Variants in ZC3H11A observed in about 807,000 individuals in gnomAD.
ZC3H11A encodes the protein zinc finger CCCH-type containing 11A, also known as zinc finger CCCH domain-containing protein 11A.
A neutral mutation model predicts 90.8 loss-of-function variants in ZC3H11A; 22 were observed. That is an observed-to-expected ratio of 0.24 (90% CI 0.17 to 0.35). ZC3H11A has a LOEUF of 0.35. Ranked by LOEUF, ZC3H11A falls within the 10% of genes least tolerant of loss-of-function variation. ZC3H11A has a pLI of 1.00. For synonymous variants in ZC3H11A, 294 were observed against 339.8 expected (o/e 0.87, Z 1.48); for missense variants, 701 against 964.9 (o/e 0.73, Z 3.62).
chr1:203,797,957 C>T (rs1453475100), intron 1 of ZC3H11A: 2 of 1,535,890 alleles, frequency 1.3e-6, no homozygotes, highest in South Asian at 1.2e-5. Flanking sequence ...ACCCCCAGTA[C>T]ACCTGGCGGG....
At chr1:203,810,006 G>T (rs779717665) in intron 2 of ZC3H11A, among the ~76,000 whole-genome samples, 1 of 152,058 alleles carries the variant, frequency 6.6e-6, no homozygotes, top group Non-Finnish European at 1.5e-5. Flanking sequence ...TGGCAACCTA[G>T]ATACTTTTTT....
intron 8 of ZC3H11A, 52 bp downstream of exon 8, chr1:203,830,255 C>G (rs769865095): frequency 6.4e-6 from 9 of 1,404,642 alleles, no homozygotes; most frequent in Non-Finnish European, 8.8e-6. Flanking sequence ...GGGAAGAATA[C>G]TAAGGACGCT....
chr1:203,838,242 T>C (rs968093114), intron 11 of ZC3H11A, among the ~76,000 whole-genome samples, 178 bp downstream of exon 11: 1 of 152,170 alleles, frequency 6.6e-6, no homozygotes, highest in Non-Finnish European at 1.5e-5. Context: ...GTAGACACCA[T>C]TGAAAAAAAC....
Position 203,840,472 on chromosome 1 carries a change from A to G in ZC3H11A, c.1042+98A>G. On this transcript the variant is annotated intron_variant, in intron 12 of 17. Coordinates refer to ENST00000367210, the MANE Select transcript of ZC3H11A (RefSeq NM_001376342.1). ...TACCTGTTGCTTGCTAGGGCTTTTG[A>G]TTTTTGTTCTTTTGTAGTTCTGTTT... The G allele has an allele frequency of 4.0e-6, 5 of 1,243,306 alleles. No homozygotes were observed. The South Asian group carries it at 6.9e-5, about 17-fold the overall frequency. The allele number at this position is 1,243,306 out of a possible 1,614,324, so 77.0% of individuals were successfully genotyped here.
intron 1 of ZC3H11A, chr1:203,797,833 C>G: frequency 6.5e-7 from 1 of 1,536,062 alleles, no homozygotes; most frequent in Non-Finnish European, 8.7e-7. Flanking sequence ...TTGTTAGCTT[C>G]CAATGACCCT....
Position 203,850,013 on chromosome 1 carries a change from A to G in ZC3H11A, c.1926A>G (p.Glu642=). Residue 642 remains glutamate (E), a synonymous_variant, in exon 15 of 18, where the codon GAA becomes GAG. Coordinates refer to ENST00000367210, the MANE Select transcript of ZC3H11A (RefSeq NM_001376342.1). ...LNVKCAAQTL[E]KRGKAKPKVN... The stretch of plus-strand genomic sequence containing the variant: ...TGAAATGTGCAGCACAGACCTTGGA[A>G]AAAAGGGGTAAAGGCAAGTATTTCT... 3 of 1,614,016 alleles carry G rather than the reference A, an allele frequency of 1.9e-6. No individual in the cohort carries two copies. The highest frequency in any genetic ancestry group is 2.5e-6 in the Non-Finnish European group (3 of 1,180,012).
chr1:203,825,296 T>A (rs1680150301), intron 4 of ZC3H11A, among the ~76,000 whole-genome samples: 1 of 152,128 alleles, frequency 6.6e-6, no homozygotes, highest in Non-Finnish European at 1.5e-5. Flanking sequence ...ACTAATTCAG[T>A]GTTCCAAGTG....
At position 203,853,367 on chromosome 1, in the gene ZC3H11A, A is replaced by T. The variant is rs550482332; in HGVS notation, c.*968A>T. ...ATTTATCTATGGGCTGTAGCAGTAC[A>T]CTGAATTGTACTGTGCCAGGGATAT... On this transcript the variant is annotated 3_prime_UTR_variant, in exon 18 of 18. Transcript: ENST00000367210. 1 of 152,532 alleles carries T rather than the reference A, an allele frequency of 6.6e-6. No individual in the cohort carries two copies. Among genetic ancestry groups the T allele is most frequent in the Non-Finnish European group, 1.5e-5 (1 of 67,990 alleles). 9.4% of individuals were successfully genotyped at this position (152,532 alleles called of 1,614,324 possible). A position where few individuals can be genotyped will look rare whatever the true frequency, so the allele number is the denominator to read the frequency against.
intron 16 of ZC3H11A, 112 bp from the exon 17 acceptor site, chr1:203,850,945 C>T: frequency 7.6e-7 from 1 of 1,318,902 alleles, no homozygotes; most frequent in Non-Finnish European, 1.1e-6. Flanking sequence ...TTCTTAGATT[C>T]ACAGGCTTAA....
intron 2 of ZC3H11A, among the ~76,000 whole-genome samples, chr1:203,806,830 C>CTTTTTTTT (rs373591619): frequency 8.5e-6 from 1 of 117,858 alleles, no homozygotes; most frequent in Non-Finnish European, 1.7e-5. Flanking sequence ...CCTCAGGTTC[C>CTTTTTTTT]TTTTTTTTTT....
At position 203,820,174 on chromosome 1, in the gene ZC3H11A, G is replaced by T. The variant is rs531984003; in HGVS notation, c.174+1485G>T. 4.0e-5 allele frequency among the ~76,000 whole-genome samples: 6 copies of T among 151,546 alleles called. No individual in the cohort carries two copies. In the South Asian group the frequency reaches 1.0e-3, roughly 26 times the overall value. ...CGCTTGAACCTGGGAGGCGGAGGTT[G>T]CACTGAGCTGAGATTGCGCCACTCC... is the stretch of plus-strand genomic sequence containing the variant. On this transcript the variant is annotated intron_variant, in intron 4 of 17. Transcript: ENST00000367210.
intron 10 of ZC3H11A, among the ~76,000 whole-genome samples, chr1:203,834,833 G>A (rs1683721842): frequency 6.6e-6 from 1 of 151,584 alleles, no homozygotes; most frequent in African/African-American, 2.4e-5. Flanking sequence ...AGTAGAGATG[G>A]GGTTTCCACC....
intron 12 of ZC3H11A, among the ~76,000 whole-genome samples, chr1:203,843,555 G>A (rs939933657): frequency 6.6e-6 from 1 of 152,104 alleles, no homozygotes; most frequent in East Asian, 1.9e-4. Flanking sequence ...AAATAACTTT[G>A]CAGTCCACAG....
Position 203,802,650 on chromosome 1 carries a change from A to T in ZC3H11A, c.-512A>T, listed in dbSNP as rs1670874775. 1 of 151,746 alleles carries T rather than the reference A, an allele frequency of 6.6e-6. No individual in the cohort carries two copies. Among genetic ancestry groups the T allele is most frequent in the Non-Finnish European group, 1.5e-5 (1 of 67,806 alleles). The allele number at this position is 151,746 out of a possible 1,614,324, so 9.4% of individuals were successfully genotyped here. On this transcript the variant is annotated 5_prime_UTR_variant, in exon 2 of 18. Coordinates refer to ENST00000367210, the MANE Select transcript of ZC3H11A (RefSeq NM_001376342.1). The stretch of plus-strand genomic sequence containing the variant: ...GTTTTTTTTTTAAATTATATTGTTC[A>T]GCTATGGAAGATGGAGTTTTTTTTC...
intron 10 of ZC3H11A, chr1:203,834,129 C>G: frequency 9.2e-7 from 1 of 1,085,248 alleles, no homozygotes; most frequent in South Asian, 4.3e-5. Flanking sequence ...TTTCTCTGAA[C>G]AAATTTAAAT....
intron 1 of ZC3H11A, chr1:203,799,654 A>G: frequency 1.4e-6 from 1 of 704,224 alleles, no homozygotes; most frequent in Non-Finnish European, 2.6e-6. Context: ...GGATTGAATC[A>G]GGTGCTACCC....
intron 2 of ZC3H11A, among the ~76,000 whole-genome samples, chr1:203,812,578 ATTTTTTTTT>A (rs386369376): frequency 9.1e-6 from 1 of 109,316 alleles, no homozygotes; most frequent in Non-Finnish European, 1.8e-5. Context: ...GCCATTCTAA[ATTTTTTTTT>A]TTTTTTTTTT....
At position 203,852,150 on chromosome 1, in the gene ZC3H11A, G is replaced by A. The variant is rs753832193; in HGVS notation, c.2184G>A (p.Leu728=). The part of the protein sequence containing the change: ...EAENPRDSLV[L]PPTQSSSDSS... ...CTTTTTTTTCTTACAGTCTTGTGCT[G>A]CCTCCAACCCAGTCCTCTTCAGATT... The change falls in exon 18 of 18, where the codon CTG becomes CTA. Residue 728 remains leucine (L), a synonymous_variant. Coordinates refer to ENST00000367210, the MANE Select transcript of ZC3H11A (RefSeq NM_001376342.1). The A allele has an allele frequency of 1.2e-6, 2 of 1,613,074 alleles. No homozygotes were observed. The highest frequency in any genetic ancestry group is 1.7e-6 in the Non-Finnish European group (2 of 1,179,712).
chr1:203,838,979 A>G (rs1191283241), intron 11 of ZC3H11A, among the ~76,000 whole-genome samples: 1 of 150,878 alleles, frequency 6.6e-6, no homozygotes, highest in East Asian at 1.9e-4. Context: ...AAAAAAAGAA[A>G]GAAAGAAAGG....
Sources: gnomAD v4.1 joint callset for allele counts (sites outside exome capture counted in the v4.1 genomes callset) on GRCh38, gnomAD v4.1.1 for gene constraint, MANE v1.5 for transcripts, NCBI Gene and HGNC (gene_info 2026-07-23, HGNC 2026-07-21) for gene names.